The following ATP8A2 variants were observed in gnomAD, a reference collection of about 807,000 sequenced individuals.
The protein encoded by ATP8A2 is ATPase phospholipid transporting 8A2.
Under a neutral mutation model 165.6 loss-of-function variants are expected in ATP8A2, and 100 were observed. That is an observed-to-expected ratio of 0.60 (90% CI 0.51 to 0.71). ATP8A2 has a LOEUF of 0.71. Among genes scored for constraint, ATP8A2 ranks in the 30% least tolerant of loss-of-function variants. ATP8A2 has a pLI of 0.00. For synonymous variants in ATP8A2, 543 were observed against 548.8 expected, an observed-to-expected ratio of 0.99 and a Z score of 0.15; for missense variants, 1,227 against 1,479.5, an observed-to-expected ratio of 0.83 and a Z score of 2.80.
chr13:25,564,939 A>G (rs1032741964), intron 16 of ATP8A2, among the ~76,000 whole-genome samples: 5 of 151,682 alleles, frequency 3.3e-5, no homozygotes, highest in East Asian at 1.9e-4. Flanking sequence ...TAGCTCCCAC[A>G]TTTCAGTGAG....
intron 2 of ATP8A2, among the ~76,000 whole-genome samples, chr13:25,485,718 G>A (rs2036332097): frequency 1.3e-5 from 2 of 152,164 alleles, no homozygotes; most frequent in Admixed American, 6.5e-5. Context: ...ATAACAAAAC[G>A]TTAATTCTCA....
At chr13:25,732,318 C>T (rs192657414) in intron 25 of ATP8A2, among the ~76,000 whole-genome samples, 61 of 152,286 alleles carry the variant, frequency 4.0e-4, no homozygotes, top group African/African-American at 1.3e-3. Flanking sequence ...CTTGTGGCCA[C>T]GTAGCAATGA....
intron 25 of ATP8A2, among the ~76,000 whole-genome samples, chr13:25,716,355 T>C (rs76680665): frequency 6.6e-6 from 1 of 152,206 alleles, no homozygotes; most frequent in African/African-American, 2.4e-5. Context: ...TACTTTTTTT[T>C]GTTGTTGCTT....
chr13:25,736,511 C>T (rs2043772506), intron 25 of ATP8A2, among the ~76,000 whole-genome samples: 1 of 152,146 alleles, frequency 6.6e-6, no homozygotes, highest in South Asian at 2.1e-4. Context: ...TGGCATGATT[C>T]GTTGGAGACA....
intron 25 of ATP8A2, among the ~76,000 whole-genome samples, chr13:25,707,462 A>G (rs1298483873): frequency 6.6e-6 from 1 of 152,194 alleles, no homozygotes; most frequent in Non-Finnish European, 1.5e-5. Context: ...AAAGTAGCGT[A>G]TCAACTTTGT....
At chr13:25,640,281 C>CA (rs1423683056) in intron 24 of ATP8A2, among the ~76,000 whole-genome samples, 3 of 152,056 alleles carry the variant, frequency 2.0e-5, no homozygotes, top group Admixed American at 2.0e-4. Context: ...AATAGAGACA[C>CA]AAAAAACCCC....
intron 25 of ATP8A2, among the ~76,000 whole-genome samples, chr13:25,754,260 G>C (rs2044213982): frequency 2.9e-4 from 1 of 3,496 alleles, no homozygotes; most frequent in South Asian, 0.25. Flanking sequence ...ATAGAAAACT[G>C]ACGAAGAAGA....
chr13:25,407,438 A>G lies in ATP8A2; in HGVS notation c.76+35150A>G, dbSNP rs543868559. On this transcript the variant is annotated intron_variant, in intron 1 of 36. Coordinates refer to ENST00000381655, the MANE Select transcript of ATP8A2 (RefSeq NM_016529.6). ...CTCTTCCAACTGTATGTATTTTGGA[A>G]AGTGCAATTTGCATCAGGTATGGTA... Among the ~76,000 whole-genome samples the G allele has an allele frequency of 5.3e-5, 8 of 152,356 alleles. No individual in the cohort carries two copies. The East Asian group carries it at 1.2e-3, about 22-fold the overall frequency.
At chr13:25,584,225 G>A (rs941629250) in intron 23 of ATP8A2, among the ~76,000 whole-genome samples, 1 of 152,150 alleles carries the variant, frequency 6.6e-6, no homozygotes, top group African/African-American at 2.4e-5. Context: ...GATGCAGAAG[G>A]CTCAGGAAAG....
At chr13:25,618,986 C>T (rs1262042536) in intron 24 of ATP8A2, among the ~76,000 whole-genome samples, 1 of 152,156 alleles carries the variant, frequency 6.6e-6, no homozygotes, top group Non-Finnish European at 1.5e-5. Context: ...CTAGGTTACC[C>T]TGACCACTTC....
intron 24 of ATP8A2, among the ~76,000 whole-genome samples, chr13:25,691,346 C>T (rs1233909937): frequency 1.3e-5 from 2 of 152,184 alleles, no homozygotes; most frequent in Admixed American, 1.3e-4. Context: ...TATTGTATGT[C>T]AGTTAATAAA....
At chr13:25,870,930 C>A (rs1365732307) in intron 33 of ATP8A2, among the ~76,000 whole-genome samples, 1 of 152,142 alleles carries the variant, frequency 6.6e-6, no homozygotes, top group Non-Finnish European at 1.5e-5. Flanking sequence ...TAAAGTAAAG[C>A]AGGTTTCAAA....
At chr13:25,922,869 T>C (rs147372071) in intron 33 of ATP8A2, among the ~76,000 whole-genome samples, 131 of 152,298 alleles carry the variant, frequency 8.6e-4, no homozygotes, top group African/African-American at 2.4e-3. Flanking sequence ...TTCTAATCCT[T>C]GTAGCCTCAT....
rs901291240 is a variant in ATP8A2 at position 25,756,312 on chromosome 13, G to C, written c.2385-12734G>C. On this transcript the variant is annotated intron_variant, in intron 25 of 36. Coordinates refer to ENST00000381655, the MANE Select transcript of ATP8A2 (RefSeq NM_016529.6). ...CAGAAAACTGTGAATTGGAGGATTA[G>C]GTAACTGTTGGATTCTTTTTTTTTT... 3.4e-5 allele frequency among the ~76,000 whole-genome samples: 5 copies of C among 148,420 alleles called. No individual in the cohort carries two copies. The East Asian group carries it at 8.1e-4, about 24-fold the overall frequency.
At chr13:25,558,898 G>A in intron 13 of ATP8A2, 75 bp from the exon 14 acceptor site, 1 of 1,046,938 alleles carries the variant, frequency 9.6e-7, no homozygotes, top group South Asian at 1.6e-5. Flanking sequence ...GAAAAATATA[G>A]AAGGAAAGAC....
At chr13:25,487,464 C>G (rs546128829) in intron 2 of ATP8A2, among the ~76,000 whole-genome samples, 1 of 152,258 alleles carries the variant, frequency 6.6e-6, no homozygotes, top group South Asian at 2.1e-4. Flanking sequence ...ATGTATAGTT[C>G]ATAGGAATTT....
intron 2 of ATP8A2, among the ~76,000 whole-genome samples, chr13:25,507,626 A>G (rs1364497401): frequency 6.6e-6 from 1 of 152,166 alleles, no homozygotes; most frequent in Non-Finnish European, 1.5e-5. Context: ...ACTGAACTCT[A>G]TCCTTTATCA....
chr13:25,985,521 T>C (rs1956263633), intron 35 of ATP8A2, among the ~76,000 whole-genome samples: 1 of 152,202 alleles, frequency 6.6e-6, no homozygotes, highest in Non-Finnish European at 1.5e-5. Context: ...ACCTAGCTTG[T>C]TTAATTTGAA....
At chr13:26,015,697 G>A (rs760638592) in intron 36 of ATP8A2, among the ~76,000 whole-genome samples, 2 of 152,128 alleles carry the variant, frequency 1.3e-5, no homozygotes, top group Non-Finnish European at 2.9e-5. Context: ...TCACCTACAC[G>A]ATTCTGTTCT....
Sources: allele counts gnomAD v4.1 joint callset (sites outside exome capture counted in the v4.1 genomes callset), GRCh38; gene constraint gnomAD v4.1.1; transcripts MANE v1.5; gene names NCBI Gene and HGNC (gene_info 2026-07-23, HGNC 2026-07-21).